The following PSG1 variants were observed in gnomAD, a reference collection of about 807,000 sequenced individuals.
PSG1 encodes pregnancy-specific beta-1-glycoprotein 1.
A neutral mutation model predicts 41.4 loss-of-function variants in PSG1; 60 were observed. The ratio of observed to expected loss-of-function variants is 1.45; its 90% confidence interval spans 1.18 to 1.80. PSG1 has a LOEUF of 1.80. Among genes scored for constraint, PSG1 ranks in the 40% most tolerant of loss-of-function variants. The pLI is 0.00. For synonymous variants in PSG1, 256 were observed against 192.9 expected (o/e 1.33, Z -2.71); for missense variants, 806 against 516.9 (o/e 1.56, Z -5.42).
chr19:42,869,415 C>G, intron 3 of PSG1: 3 of 306,654 alleles, frequency 9.8e-6, no homozygotes, highest in Non-Finnish European at 6.0e-6. Flanking sequence ...TTCCATCCTA[C>G]TTTGTCCCCC....
In PSG1 at chr19:42,870,002, G is replaced by A. The variant is rs1037397470; in HGVS notation, c.710-968C>T. 4 of 151,572 alleles carry A rather than the reference G, an allele frequency of 2.6e-5. 1 individual carries two copies. Among genetic ancestry groups the A allele is most frequent in the African/African-American group, 7.3e-5 (3 of 41,244 alleles). The allele number at this position is 151,572 out of a possible 1,614,324, so 9.4% of individuals were successfully genotyped here. On this transcript the variant is annotated intron_variant, in intron 3 of 5. Coordinates refer to ENST00000436291, the MANE Select transcript of PSG1 (RefSeq NM_001184825.2). The stretch of plus-strand genomic sequence containing the variant: ...GGACATTCTACTCTCTGATTCCATG[G>A]GTTCAACTACTCTAGGGACCTCATG...
chr19:42,877,691 T>G (rs1409433750), intron 2 of PSG1, among the ~76,000 whole-genome samples: 2 of 151,730 alleles, frequency 1.3e-5, no homozygotes, highest in African/African-American at 4.8e-5. Flanking sequence ...CAGACTGTCC[T>G]TCCTCTGCAG....
rs772934087 is a variant in PSG1, at chr19:42,879,608, C to T, written c.-27G>A. 3 of 1,608,700 alleles carry T rather than the reference C, an allele frequency of 1.9e-6. No homozygotes were observed. In the Admixed American group the frequency reaches 5.0e-5, roughly 27 times the overall value. ...GTCTCTGCTGCTTGTGTGTTCTCCT[C>T]TGTGGAGATAAGCCTAGGATCCAGA... On this transcript the variant is annotated 5_prime_UTR_variant, in exon 1 of 6. Coordinates refer to ENST00000436291, the MANE Select transcript of PSG1 (RefSeq NM_001184825.2).
rs137928256 is a variant in PSG1 at position 42,877,995 on chromosome 19, G to A, written c.348C>T (p.Asp116=). Reference sequence around the variant, plus strand: ...TGATGTGTAAGGTGTAGGATCCTGCGTCCTCCCGGGTGACATTCTGGATCA... The same window carrying A: ...TGATGTGTAAGGTGTAGGATCCTGCATCCTCCCGGGTGACATTCTGGATCA... ...SLLIQNVTRE[D]AGSYTLHIIK... is the part of the protein sequence containing the mutation. The change falls in exon 2 of 6, where the codon GAC becomes GAT. Residue 116 remains aspartate, a synonymous_variant. Coordinates refer to ENST00000436291, the MANE Select transcript of PSG1 (RefSeq NM_001184825.2). 6.3e-5 allele frequency: 102 copies of A among 1,612,230 alleles called. 2 individuals are homozygous for A. Among genetic ancestry groups the A allele is most frequent in the East Asian group, 1.6e-4 (7 of 44,804 alleles).
At position 42,871,641 on chromosome 19, in the gene PSG1, T is replaced by C. The variant is rs1381965800; in HGVS notation, c.709+126A>G. On this transcript the variant is annotated intron_variant, in intron 3 of 5. Transcript: ENST00000436291. Reference sequence around the variant, plus strand: ...CTGGTTTGCCTGGGGCACAAAGTCATGGCCAGGTTTGATGTCCAGGGGTAA... The same window carrying C: ...CTGGTTTGCCTGGGGCACAAAGTCACGGCCAGGTTTGATGTCCAGGGGTAA... 29 of 1,605,612 alleles carry C rather than the reference T, an allele frequency of 1.8e-5. 1 individual carries two copies. The highest frequency in any genetic ancestry group is 2.3e-5 in the Non-Finnish European group (27 of 1,175,146).
At chr19:42,869,288 C>T (rs531570647) in intron 3 of PSG1, 6 of 794,936 alleles carry the variant, frequency 7.5e-6, no homozygotes, top group African/African-American at 3.5e-5. Context: ...CATGGACAGA[C>T]ACGTCAGTGG....
rs540320886 is a variant in PSG1, at chr19:42,868,712, T to G, written c.988+44A>C. On this transcript the variant is annotated intron_variant, in intron 4 of 5. Transcript: ENST00000436291. ...GAGGCCTGGCATCTGGTGGTTTGGA[T>G]TTAAGCTGGTGTCCTGGCCCACAGA... is the stretch of plus-strand genomic sequence containing the variant. 131 of 1,601,788 alleles carry G rather than the reference T, an allele frequency of 8.2e-5. 12 individuals are homozygous for G. In the South Asian group the frequency reaches 1.3e-3, roughly 16 times the overall value.
Position 42,866,860 on chromosome 19 carries a change from C to G in PSG1, c.*274G>C. 1 of 633,058 alleles carries G rather than the reference C, an allele frequency of 1.6e-6. No individual in the cohort carries two copies. The highest frequency in any genetic ancestry group is 2.9e-6 in the Non-Finnish European group (1 of 348,726). The allele number at this position is 633,058 out of a possible 1,614,324, so 39.2% of individuals were successfully genotyped here. A position where few individuals can be genotyped will look rare whatever the true frequency, so the allele number is the denominator to read the frequency against. On this transcript the variant is annotated 3_prime_UTR_variant, in exon 6 of 6. Transcript: ENST00000436291. ...GGACAGTTAAGAGGGGGGAGAGCCT[C>G]ATCATGATGGGGAGTCTTGTTCTGA...
At position 42,868,199 on chromosome 19, in the gene PSG1, C is replaced by T. The variant is rs150536125; in HGVS notation, c.1145G>A (p.Arg382His). 4.8e-5 allele frequency: 77 copies of T among 1,612,152 alleles called. 4 individuals are homozygous for T. The highest frequency in any genetic ancestry group is 4.1e-4 in the South Asian group (37 of 90,828). The stretch of plus-strand genomic sequence containing the variant: ...CCCGCTATGCTTTGTAGTAATATGG[C>T]GGATAAAGAGCTTTTGTCCTGGTAG... The part of the protein sequence containing the change: ...FQLPGQKLFI[R>H]HITTKHSGLY... Residue 382 changes from arginine (R) to histidine (H), a missense_variant, in exon 5 of 6, where the codon CGC becomes CAC. Transcript: ENST00000436291.
At chr19:42,867,674 A>T (rs1354522652) in intron 5 of PSG1, 1 of 767,650 alleles carries the variant, frequency 1.3e-6, no homozygotes, top group Admixed American at 1.9e-5. Context: ...ATTCTGGGGC[A>T]GTCAGGTAGA....
In PSG1 at chr19:42,872,451, T is replaced by A. The variant is rs560833390; in HGVS notation, c.431-406A>T. On this transcript the variant is annotated intron_variant, in intron 2 of 5. Transcript: ENST00000436291. Reference sequence around the variant, plus strand: ...TTTGCCCACTGAGGTATGTTTTCTCTGCAGCTTCCCTTGCCAAGGACATCC... The same window carrying A: ...TTTGCCCACTGAGGTATGTTTTCTCAGCAGCTTCCCTTGCCAAGGACATCC... 8.6e-5 allele frequency among the ~76,000 whole-genome samples: 13 copies of A among 151,798 alleles called. 2 individuals are homozygous for A. In the East Asian group the frequency reaches 1.7e-3, roughly 20 times the overall value.
chr19:42,879,414 A>C, intron 1 of PSG1, 104 bp downstream of exon 1: 1 of 1,518,852 alleles, frequency 6.6e-7, no homozygotes, highest in South Asian at 1.1e-5. Flanking sequence ...AGACTCCCAA[A>C]GTGCTGGCTT....
In PSG1 at chr19:42,876,601, G is replaced by A. The variant is rs1355067644; in HGVS notation, c.430+1312C>T. 8.7e-6 allele frequency: 3 copies of A among 344,926 alleles called. 1 individual carries two copies. Among genetic ancestry groups the A allele is most frequent in the South Asian group, 2.7e-5 (1 of 36,766 alleles). The allele number at this position is 344,926 out of a possible 1,614,324, so 21.4% of individuals were successfully genotyped here. A position where few individuals can be genotyped will look rare whatever the true frequency, so the allele number is the denominator to read the frequency against. ...GGGCCTGTGGTGGTGTAGAGTGTGAGTGGGGAAAGAAAACAAGGTCCTCTC... is the reference window on the plus strand; with the variant it reads ...GGGCCTGTGGTGGTGTAGAGTGTGAATGGGGAAAGAAAACAAGGTCCTCTC... On this transcript the variant is annotated intron_variant, in intron 2 of 5. Transcript: ENST00000436291.
chr19:42,868,476 C>G (rs529552103), intron 4 of PSG1, 121 bp from the exon 5 acceptor site: 2 of 1,481,542 alleles, frequency 1.3e-6, no homozygotes, highest in African/African-American at 2.8e-5. Context: ...CAGCCCAACC[C>G]CCTCTATGTT....
rs940908884 is a variant in PSG1 at position 42,879,375 on chromosome 19, A to T, written c.64+143T>A. The stretch of plus-strand genomic sequence containing the variant: ...CACTGTGTTGGCCAGACTGATCTTG[A>T]ACTTCTGATCTCATGATCCACCCAC... On this transcript the variant is annotated intron_variant, in intron 1 of 5. Coordinates refer to ENST00000436291, the MANE Select transcript of PSG1 (RefSeq NM_001184825.2). The T allele has an allele frequency of 5.6e-5, 75 of 1,337,484 alleles. 1 individual carries two copies. Among genetic ancestry groups the T allele is most frequent in the Middle Eastern group, 2.5e-4 (1 of 4,002 alleles). 82.9% of individuals were successfully genotyped at this position (1,337,484 alleles called of 1,614,324 possible).
At position 42,867,084 on chromosome 19, in the gene PSG1, G is replaced by T. The variant is rs745806554; in HGVS notation, c.*50C>A. Reference sequence around the variant, plus strand: ...GGGCTTCTGGAACAGAGTGGGTCTTGCTCTTAGTGATTCCATGGGAGAAAA... The same window carrying T: ...GGGCTTCTGGAACAGAGTGGGTCTTTCTCTTAGTGATTCCATGGGAGAAAA... On this transcript the variant is annotated 3_prime_UTR_variant, in exon 6 of 6. Transcript: ENST00000436291. 8 of 772,716 alleles carry T rather than the reference G, an allele frequency of 1.0e-5. No individual in the cohort carries two copies. The highest frequency in any genetic ancestry group is 5.4e-5 in the South Asian group (4 of 74,392). 47.9% of individuals were successfully genotyped at this position (772,716 alleles called of 1,614,324 possible).
rs143968833 is a variant in PSG1, at chr19:42,869,430, T to C, written c.710-396A>G. 3.4e-3 allele frequency: 930 copies of C among 269,722 alleles called. 24 individuals carry two copies. The highest frequency in any genetic ancestry group is 0.017 in the East Asian group (221 of 13,202). 16.7% of individuals were successfully genotyped at this position (269,722 alleles called of 1,614,324 possible). ...TTCCATCCTACTTTGTCCCCCTAGA[T>C]GTGATTTCTCTGCAGCTTCCATTTC... On this transcript the variant is annotated intron_variant, in intron 3 of 5. Transcript: ENST00000436291.
chr19:42,873,225 T>G (rs1032566939), intron 2 of PSG1, among the ~76,000 whole-genome samples: 2 of 151,662 alleles, frequency 1.3e-5, no homozygotes, highest in Non-Finnish European at 2.9e-5. Flanking sequence ...TGAAACTAAG[T>G]GTTTTGGATG....
chr19:42,870,633 C>T (rs1174163924), intron 3 of PSG1: 1 of 151,656 alleles, frequency 6.6e-6, no homozygotes. Flanking sequence ...TCTAATTCTG[C>T]AAAAAATGTT....
Sources: allele counts gnomAD v4.1 joint callset (sites outside exome capture counted in the v4.1 genomes callset), GRCh38; gene constraint gnomAD v4.1.1; transcripts MANE v1.5; gene names NCBI Gene and HGNC (gene_info 2026-07-23, HGNC 2026-07-21).